NPFFR1: variants seen among roughly 807,000 people sequenced by gnomAD.
NPFFR1 encodes neuropeptide FF receptor 1.
NPFFR1 carries 17 observed loss-of-function variants against 12.7 expected under a neutral mutation model. The observed-to-expected ratio is 1.34, with a 90% CI of 0.92 to 2.01. The LOEUF (loss-of-function observed/expected upper bound fraction) is 2.01. NPFFR1 is among the 30% of genes most tolerant of loss of function. The pLI is 0.00. For synonymous variants in NPFFR1, 296 were observed against 264.5 expected, an observed-to-expected ratio of 1.12 and a Z score of -1.16; for missense variants, 604 against 606.5, an observed-to-expected ratio of 1.00 and a Z score of 0.04.
chr10:70,257,926 A>ACTTCATTATGACATAGAT (rs1840590484), intron 3 of NPFFR1, among the ~76,000 whole-genome samples: 1 of 152,122 alleles, frequency 6.6e-6, no homozygotes, highest in Non-Finnish European at 1.5e-5. Flanking sequence ...CTTCCCTTGA[A>ACTTCATTATGACATAGAT]CTTAATTATG....
chr10:70,275,300 A>G (rs10823505), intron 1 of NPFFR1, among the ~76,000 whole-genome samples: 69,031 of 152,102 alleles, frequency 0.45, 15,744 homozygotes, highest in Non-Finnish European at 0.48. Context: ...CATTTACCTC[A>G]TAGTGAAAAC....
At chr10:70,272,605 A>C (rs1355120114) in intron 1 of NPFFR1, among the ~76,000 whole-genome samples, 1 of 152,258 alleles carries the variant, frequency 6.6e-6, no homozygotes, top group Non-Finnish European at 1.5e-5. Context: ...CCTTTTCATC[A>C]AACAGATTTT....
At chr10:70,264,695 A>G (rs1840672734) in intron 2 of NPFFR1, among the ~76,000 whole-genome samples, 1 of 152,198 alleles carries the variant, frequency 6.6e-6, no homozygotes, top group African/African-American at 2.4e-5. Flanking sequence ...ACTCGCATAA[A>G]ATAGTGTTTG....
chr10:70,274,170 C>A (rs1010806482), intron 1 of NPFFR1, among the ~76,000 whole-genome samples: 1 of 152,194 alleles, frequency 6.6e-6, no homozygotes, highest in Non-Finnish European at 1.5e-5. Flanking sequence ...AGGTTGGGGG[C>A]TGGGCACAGT....
chr10:70,277,957 AACCCT>A (rs887404982), intron 1 of NPFFR1: 1 of 519,730 alleles, frequency 1.9e-6, no homozygotes, highest in Non-Finnish European at 3.8e-6. Context: ...GCCCTCAGAG[AACCCT>A]CCAGGCCATT....
rs113088368 is a variant in NPFFR1, at chr10:70,283,128, C to CTTT, written c.7+539_7+541dup. 4.5e-3 allele frequency among the ~76,000 whole-genome samples: 394 copies of CTTT among 87,924 alleles called. 4 individuals carry two copies. The highest frequency in any genetic ancestry group is 0.014 in the African/African-American group (375 of 26,018). The allele number at this position is 87,924 out of a possible 152,430, so 57.7% of individuals were successfully genotyped here. On this transcript the variant is annotated intron_variant, in intron 1 of 3. Transcript: ENST00000277942. Reference sequence around the variant, plus strand: ...TGCACACACACAACAGGGACTCTCTCTTTTTGTGTGTGTGTGTGTGTGTGT... The same window carrying CTTT: ...TGCACACACACAACAGGGACTCTCTCTTTTTTTTGTGTGTGTGTGTGTGTGTGT...
Position 70,250,612 on chromosome 10 carries a change from C to T in NPFFR1, c.*4345G>A, listed in dbSNP as rs1840500919. 6.6e-6 allele frequency: 1 copy of T among 152,304 alleles called. No homozygotes were observed. The highest frequency in any genetic ancestry group is 2.1e-4 in the South Asian group (1 of 4,828). The allele number at this position is 152,304 out of a possible 1,614,324, so 9.4% of individuals were successfully genotyped here. A position where few individuals can be genotyped will look rare whatever the true frequency, so the allele number is the denominator to read the frequency against. ...CATGCTACAGCATGAATGAATCTTG[C>T]AAACATCATTTTAAGTGAAAGAAAC... is the stretch of plus-strand genomic sequence containing the variant. On this transcript the variant is annotated 3_prime_UTR_variant, in exon 4 of 4. Transcript: ENST00000277942.
chr10:70,283,784 C>A lies in NPFFR1; in HGVS notation c.-108G>T. ...TCCGGGCACTTGGTTGCGGGCTGCG[C>A]CCCTGCCTCCGCGCTCCGCAGGTCC... On this transcript the variant is annotated 5_prime_UTR_variant, in exon 1 of 4. Coordinates refer to ENST00000277942, the MANE Select transcript of NPFFR1 (RefSeq NM_022146.5). 7.9e-7 allele frequency: 1 copy of A among 1,270,090 alleles called. No individual in the cohort carries two copies. Among genetic ancestry groups the A allele is most frequent in the East Asian group, 2.5e-5 (1 of 39,584 alleles). The allele number at this position is 1,270,090 out of a possible 1,614,324, so 78.7% of individuals were successfully genotyped here. A position where few individuals can be genotyped will look rare whatever the true frequency, so the allele number is the denominator to read the frequency against.
rs1444185081 is a variant in NPFFR1 at position 70,250,372 on chromosome 10, C to T, written c.*4585G>A. 6.6e-6 allele frequency: 1 copy of T among 152,166 alleles called. No homozygotes were observed. Among genetic ancestry groups the T allele is most frequent in the African/African-American group, 2.4e-5 (1 of 41,434 alleles). 9.4% of individuals were successfully genotyped at this position (152,166 alleles called of 1,614,324 possible). On this transcript the variant is annotated 3_prime_UTR_variant, in exon 4 of 4. Transcript: ENST00000277942. The stretch of plus-strand genomic sequence containing the variant: ...AATTTTACACAGACCATGCAACCTA[C>T]CAATCTCGATCCTAGGTATCTACCC...
At chr10:70,261,574 T>C (rs375901198) in intron 2 of NPFFR1, among the ~76,000 whole-genome samples, 66 of 152,330 alleles carry the variant, frequency 4.3e-4, no homozygotes, top group African/African-American at 1.5e-3. Flanking sequence ...GACCAGTGAT[T>C]TCTTTCCATG....
chr10:70,275,434 G>C (rs551737125), intron 1 of NPFFR1, among the ~76,000 whole-genome samples: 1 of 152,270 alleles, frequency 6.6e-6, no homozygotes, highest in East Asian at 1.9e-4. Flanking sequence ...GGGGAGGCAG[G>C]GATTTCCCTC....
chr10:70,279,192 C>T (rs574934534), intron 1 of NPFFR1, among the ~76,000 whole-genome samples: 3 of 152,186 alleles, frequency 2.0e-5, no homozygotes, highest in South Asian at 2.1e-4. Context: ...CGCTCTGTCA[C>T]CCATGCTGGA....
At chr10:70,273,774 C>T (rs1840773805) in intron 1 of NPFFR1, among the ~76,000 whole-genome samples, 3 of 152,162 alleles carry the variant, frequency 2.0e-5, no homozygotes, top group African/African-American at 7.2e-5. Flanking sequence ...CACACCCTTC[C>T]AATGGATTCC....
intron 2 of NPFFR1, among the ~76,000 whole-genome samples, chr10:70,263,563 G>A (rs1358673516): frequency 6.6e-6 from 1 of 151,986 alleles, no homozygotes; most frequent in African/African-American, 2.4e-5. Context: ...ATGAGCCACC[G>A]CGCCCGGCCA....
intron 1 of NPFFR1, among the ~76,000 whole-genome samples, chr10:70,275,430 G>A (rs1242851749): frequency 1.3e-5 from 2 of 152,160 alleles, no homozygotes; most frequent in Non-Finnish European, 2.9e-5. Context: ...TAAAGGGGAG[G>A]CAGGGATTTC....
chr10:70,257,868 G>A (rs1840589203), intron 3 of NPFFR1, among the ~76,000 whole-genome samples: 1 of 152,196 alleles, frequency 6.6e-6, no homozygotes, highest in South Asian at 2.1e-4. Flanking sequence ...AGATGTTTGG[G>A]TGGAGAGAAA....
chr10:70,255,741 A>C lies in NPFFR1; in HGVS notation c.509T>G (p.Leu170Arg). Residue 170 changes from leucine to arginine, a missense_variant, in exon 4 of 4, where the codon CTG (leucine) becomes CGG (arginine). By Grantham distance (102) the Leu-to-Arg change is moderately radical. Transcript: ENST00000277942. This position sits in a 1 kb window ranked among gnomAD's most constrained non-coding sequence, Gnocchi z 4.2. ...GACGGCCGAGGGACACATGATGAGC[A>C]GCGCCAGGGCCCAGATGACGGCGAT... Reference protein sequence around the residue: ...VTIAVIWALALLIMCPSAVTL... With the variant: ...VTIAVIWALARLIMCPSAVTL... The C allele has an allele frequency of 6.2e-7, 1 of 1,611,474 alleles. No homozygotes were observed. The highest frequency in any genetic ancestry group is 1.1e-5 in the South Asian group (1 of 90,440).
intron 1 of NPFFR1, among the ~76,000 whole-genome samples, chr10:70,275,977 G>A (rs2136808777): frequency 6.6e-6 from 1 of 152,230 alleles, no homozygotes; most frequent in South Asian, 2.1e-4. Context: ...CATCAAATAA[G>A]CCAGGACGCC....
chr10:70,279,718 C>T (rs1012064892), intron 1 of NPFFR1, among the ~76,000 whole-genome samples: 1 of 152,220 alleles, frequency 6.6e-6, no homozygotes, highest in Non-Finnish European at 1.5e-5. Context: ...GCTTTGGCCT[C>T]CCAAAGTGCT....
Sources: gnomAD v4.1 joint callset for allele counts (sites outside exome capture counted in the v4.1 genomes callset) on GRCh38, gnomAD v4.1.1 for gene constraint, Gnocchi (gnomAD v3.1) non-coding constraint, MANE v1.5 for transcripts, NCBI Gene and HGNC (gene_info 2026-07-23, HGNC 2026-07-21) for gene names.